Variants in TRPS1 observed in about 807,000 individuals in gnomAD.
TRPS1 encodes transcriptional repressor GATA binding 1, also known as zinc finger transcription factor Trps1.
A neutral mutation model predicts 101.2 loss-of-function variants in TRPS1; 6 were observed. That is an observed-to-expected ratio of 0.06 (90% CI 0.03 to 0.12). The LOEUF is 0.12. Ranked by LOEUF, TRPS1 falls within the 10% of genes least tolerant of loss-of-function variation. The pLI is 1.00. For synonymous variants in TRPS1, 578 were observed against 589.8 expected (o/e 0.98, Z 0.29); for missense variants, 1,363 against 1,567.0 (o/e 0.87, Z 2.20).
At chr8:115,601,465 G>C (rs953995842) in intron 4 of TRPS1, among the ~76,000 whole-genome samples, 1 of 152,036 alleles carries the variant, frequency 6.6e-6, no homozygotes, top group Non-Finnish European at 1.5e-5. Flanking sequence ...TTTCTACTAA[G>C]CTGTGACTTC....
intron 1 of TRPS1, 86 bp from the exon 2 acceptor site, chr8:115,623,844 C>T: frequency 7.9e-7 from 1 of 1,268,446 alleles, no homozygotes; most frequent in Non-Finnish European, 1.0e-6. Flanking sequence ...TATTAATATG[C>T]TGGCATCATA....
chr8:115,560,674 C>G (rs532546464), intron 5 of TRPS1, among the ~76,000 whole-genome samples: 20 of 152,174 alleles, frequency 1.3e-4, no homozygotes, highest in African/African-American at 4.8e-4. Context: ...AATGCAGGGT[C>G]CTTTCAGAAA....
At chr8:115,473,353 A>G (rs1007078717) in intron 5 of TRPS1, among the ~76,000 whole-genome samples, 2 of 152,110 alleles carry the variant, frequency 1.3e-5, no homozygotes, top group Non-Finnish European at 2.9e-5. Flanking sequence ...ATCAGATCTC[A>G]TGAGAATTCA....
At chr8:115,565,579 A>G (rs757451997) in intron 5 of TRPS1, among the ~76,000 whole-genome samples, 11 of 151,866 alleles carry the variant, frequency 7.2e-5, no homozygotes, top group Non-Finnish European at 1.2e-4. Context: ...TCATACATAC[A>G]TTAGTGAGTT....
At chr8:115,444,076 AT>A in intron 5 of TRPS1, among the ~76,000 whole-genome samples, 1 of 152,222 alleles carries the variant, frequency 6.6e-6, no homozygotes, top group East Asian at 1.9e-4. Flanking sequence ...TATCATTAGC[AT>A]CTTATCTTCC....
intron 5 of TRPS1, among the ~76,000 whole-genome samples, chr8:115,572,690 C>T (rs1370967863): frequency 6.6e-6 from 1 of 152,156 alleles, no homozygotes; most frequent in Non-Finnish European, 1.5e-5. Flanking sequence ...GTCATTCCAA[C>T]TCCTCTATTC....
intron 5 of TRPS1, among the ~76,000 whole-genome samples, chr8:115,446,177 G>C (rs1813729889): frequency 6.6e-6 from 1 of 151,894 alleles, no homozygotes; most frequent in East Asian, 1.9e-4. Context: ...CAAAATGTAA[G>C]GATGTTTCCA....
intron 5 of TRPS1, among the ~76,000 whole-genome samples, chr8:115,548,361 A>G (rs1042085033): frequency 2.6e-5 from 4 of 152,238 alleles, no homozygotes; most frequent in Non-Finnish European, 5.9e-5. Context: ...TTTTTGAGAC[A>G]GAGTCTCACT....
At chr8:115,492,493 G>T (rs1346987904) in intron 5 of TRPS1, among the ~76,000 whole-genome samples, 2 of 147,404 alleles carry the variant, frequency 1.4e-5, no homozygotes, top group African/African-American at 4.9e-5. Flanking sequence ...GTGCGTGTGC[G>T]TGTTCGTGTG....
intron 5 of TRPS1, among the ~76,000 whole-genome samples, chr8:115,441,894 AGAGAGT>A (rs1563733510): frequency 7.6e-6 from 1 of 132,174 alleles, no homozygotes; most frequent in Admixed American, 7.3e-5. Flanking sequence ...AGAGAGAGAG[AGAGAGT>A]GTGTGTGTGT....
At chr8:115,600,784 T>C (rs1440875841) in intron 4 of TRPS1, among the ~76,000 whole-genome samples, 2 of 151,958 alleles carry the variant, frequency 1.3e-5, no homozygotes, top group Non-Finnish European at 2.9e-5. Context: ...ACCTAAGTTA[T>C]AACACTGAAA....
chr8:115,547,105 A>G (rs1234037526), intron 5 of TRPS1, among the ~76,000 whole-genome samples: 6 of 152,238 alleles, frequency 3.9e-5, no homozygotes, highest in Non-Finnish European at 8.8e-5. Flanking sequence ...AATTATATTA[A>G]GAAATATATC....
intron 5 of TRPS1, among the ~76,000 whole-genome samples, chr8:115,568,078 AGAT>A (rs1298916956): frequency 1.3e-5 from 2 of 152,058 alleles, no homozygotes; most frequent in African/African-American, 4.8e-5. Context: ...GGATTAACTG[AGAT>A]GATGACTGTG....
intron 5 of TRPS1, among the ~76,000 whole-genome samples, chr8:115,478,716 A>ATTGC: frequency 6.6e-6 from 1 of 151,712 alleles, no homozygotes; most frequent in East Asian, 1.9e-4. Flanking sequence ...AAGCAGAAGA[A>ATTGC]TTGCTTGAAC....
intron 5 of TRPS1, among the ~76,000 whole-genome samples, chr8:115,578,823 C>T (rs535105713): frequency 2.6e-5 from 4 of 152,190 alleles, no homozygotes; most frequent in African/African-American, 9.6e-5. Context: ...GCATGTATCA[C>T]TTATGTAATT....
chr8:115,514,245 C>G (rs558853883), intron 5 of TRPS1, among the ~76,000 whole-genome samples: 8 of 151,648 alleles, frequency 5.3e-5, no homozygotes, highest in Non-Finnish European at 8.9e-5. Flanking sequence ...CAAAAACTCA[C>G]TATTTTTAAC....
intron 4 of TRPS1, among the ~76,000 whole-genome samples, chr8:115,592,077 A>G (rs751506474): frequency 6.6e-6 from 1 of 152,204 alleles, no homozygotes; most frequent in African/African-American, 2.4e-5. Flanking sequence ...CAGGGGATGG[A>G]AAAGGTCTTC....
intron 5 of TRPS1, among the ~76,000 whole-genome samples, chr8:115,491,972 A>C (rs540208694): frequency 1.3e-5 from 2 of 152,192 alleles, no homozygotes; most frequent in Non-Finnish European, 2.9e-5. Context: ...TTTTGTAATA[A>C]CATTTTCATA....
At chr8:115,621,687 G>A (rs1237954459) in intron 2 of TRPS1, among the ~76,000 whole-genome samples, 3 of 152,108 alleles carry the variant, frequency 2.0e-5, no homozygotes, top group East Asian at 1.9e-4. Flanking sequence ...GGCCACGGCG[G>A]GTGGATCACC....
Sources: gnomAD v4.1 joint callset for allele counts (sites outside exome capture counted in the v4.1 genomes callset) on GRCh38, gnomAD v4.1.1 for gene constraint, MANE v1.5 for transcripts, NCBI Gene and HGNC (gene_info 2026-07-23, HGNC 2026-07-21) for gene names.